The following SLC30A5 variants were observed in gnomAD, a reference collection of about 807,000 sequenced individuals.
SLC30A5 encodes the protein proton-coupled zinc antiporter SLC30A5.
Under a neutral mutation model 79.6 loss-of-function variants are expected in SLC30A5, and 33 were observed. The ratio of observed to expected loss-of-function variants is 0.41; its 90% CI spans 0.31 to 0.55. SLC30A5 has a LOEUF of 0.55. SLC30A5 is among the 20% of genes least tolerant of loss of function. The probability of loss-of-function intolerance (pLI) is 0.20; values close to 1 mark genes in which losing one functional copy is unlikely to be tolerated. For synonymous variants in SLC30A5, 299 were observed against 319.7 expected (o/e 0.94, Z 0.69); for missense variants, 788 against 928.1 (o/e 0.85, Z 1.96).
intron 1 of SLC30A5, among the ~76,000 whole-genome samples, chr5:69,096,291 G>C (rs1745728326): frequency 6.6e-6 from 1 of 152,176 alleles, no homozygotes; most frequent in Non-Finnish European, 1.5e-5. Flanking sequence ...ACAGAGTCCA[G>C]GTAAAGGATA....
chr5:69,106,439 C>A (rs10434546), intron 4 of SLC30A5, among the ~76,000 whole-genome samples: 36,549 of 151,950 alleles, frequency 0.24, 4,876 homozygotes, highest in East Asian at 0.39. Flanking sequence ...GAAGTACTTA[C>A]ATCTTTACTT....
chr5:69,125,870 CAAAAAAAAAAAAAA>C (rs532994254), intron 14 of SLC30A5, among the ~76,000 whole-genome samples: 1 of 54,232 alleles, frequency 1.8e-5, no homozygotes, highest in Non-Finnish European at 3.1e-5. Flanking sequence ...GACTCCGTCT[CAAAAAAAAAAAAAA>C]AAAAAAAAAA....
At chr5:69,117,418 G>C (rs777358828) in intron 11 of SLC30A5, 22 bp downstream of exon 11, 2 of 1,608,914 alleles carry the variant, frequency 1.2e-6, no homozygotes, top group South Asian at 1.1e-5. Context: ...GACTGTCGAG[G>C]TGGTATATCT....
chr5:69,130,329 A>G lies in SLC30A5; in HGVS notation c.*712A>G, dbSNP rs1291478015. On this transcript the variant is annotated 3_prime_UTR_variant, in exon 16 of 16. Transcript: ENST00000396591. ...ACTTATACTAAGTTGTGTCCATGTT[A>G]TTCATTTACTTACCATGTTCCTTTA... 1 of 152,168 alleles carries G rather than the reference A, an allele frequency of 6.6e-6. No homozygotes were observed. Among genetic ancestry groups the G allele is most frequent in the African/African-American group, 2.4e-5 (1 of 41,446 alleles). The allele number at this position is 152,168 out of a possible 1,614,324, so 9.4% of individuals were successfully genotyped here. A position where few individuals can be genotyped will look rare whatever the true frequency, so the allele number is the denominator to read the frequency against.
rs529329481 is a variant in SLC30A5 at position 69,112,541 on chromosome 5, T to C, written c.448-599T>C. On this transcript the variant is annotated intron_variant, in intron 5 of 15. Coordinates refer to ENST00000396591, the MANE Select transcript of SLC30A5 (RefSeq NM_022902.5). ...CAAGAGGATCACTTGAGCCCAGGAA[T>C]TGGAGGCTGCAGTGAGCTGTGTTCA... 1.7e-4 allele frequency among the ~76,000 whole-genome samples: 26 copies of C among 151,750 alleles called. No individual in the cohort carries two copies. In the East Asian group the frequency reaches 4.3e-3, roughly 25 times the overall value.
At chr5:69,118,760 T>A in intron 12 of SLC30A5, 132 bp downstream of exon 12, 1 of 591,594 alleles carries the variant, frequency 1.7e-6, no homozygotes, top group East Asian at 3.6e-5. Flanking sequence ...TAACTTCCTA[T>A]CTTGCTGTTT....
chr5:69,128,021 A>T lies in SLC30A5; in HGVS notation c.2016A>T (p.Gly672=). 1 of 1,611,254 alleles carries T rather than the reference A, an allele frequency of 6.2e-7. No individual in the cohort carries two copies. The highest frequency in any genetic ancestry group is 2.2e-5 in the East Asian group (1 of 44,768). Residue 672 remains glycine, a synonymous_variant, in exon 15 of 16, where the codon GGA becomes GGT. Transcript: ENST00000396591. The part of the protein sequence containing the change: ...IALEKIQKIE[G]LISYRDPHFW... Reference sequence around the variant, plus strand: ...TTTGACAGATACAGAAAATTGAAGGATTAATATCATACCGAGACCCTCATT... The same window carrying T: ...TTTGACAGATACAGAAAATTGAAGGTTTAATATCATACCGAGACCCTCATT...
Position 69,094,113 on chromosome 5 carries a change from G to A in SLC30A5, c.-143G>A. On this transcript the variant is annotated 5_prime_UTR_variant, in exon 1 of 16. Coordinates refer to ENST00000396591, the MANE Select transcript of SLC30A5 (RefSeq NM_022902.5). ...CTAGTGAGCCGGAGCCGGCGACGGCGGCAGTGGCGGCCCGGCCTGCAGGAG... is the reference window on the plus strand; with the variant it reads ...CTAGTGAGCCGGAGCCGGCGACGGCAGCAGTGGCGGCCCGGCCTGCAGGAG... 1 of 426,970 alleles carries A rather than the reference G, an allele frequency of 2.3e-6. No individual in the cohort carries two copies. The highest frequency in any genetic ancestry group is 4.1e-6 in the Non-Finnish European group (1 of 243,906). The allele number at this position is 426,970 out of a possible 1,614,324, so 26.4% of individuals were successfully genotyped here. A position where few individuals can be genotyped will look rare whatever the true frequency, so the allele number is the denominator to read the frequency against.
chr5:69,094,157 A>G lies in SLC30A5; in HGVS notation c.-99A>G, dbSNP rs1745646472. On this transcript the variant is annotated 5_prime_UTR_variant, in exon 1 of 16. The change abolishes an upstream ATG in the 5' untranslated region. Transcript: ENST00000396591. ...GCAGGAGCCCGACGGGGTCTCTGCC[A>G]TGGGGGAGTGACGCGCCTGCACCCG... The G allele has an allele frequency of 3.2e-5, 19 of 592,274 alleles. No homozygotes were observed. In the South Asian group the frequency reaches 1.5e-3, roughly 45 times the overall value. The allele number at this position is 592,274 out of a possible 1,614,324, so 36.7% of individuals were successfully genotyped here. A position where few individuals can be genotyped will look rare whatever the true frequency, so the allele number is the denominator to read the frequency against.
Position 69,117,314 on chromosome 5 carries a change from CT to C in SLC30A5, c.1362del (p.Phe454LeufsTer6). 1.2e-6 allele frequency: 2 copies of C among 1,613,804 alleles called. No individual in the cohort carries two copies. The highest frequency in any genetic ancestry group is 2.2e-5 in the East Asian group (1 of 44,876). On this transcript the variant is annotated frameshift_variant, in exon 11 of 16. Transcript: ENST00000396591. LOFTEE classifies it high-confidence loss of function. The stretch of plus-strand genomic sequence containing the variant: ...CCTGATCTCGGATGGATTCCACATG[CT>C]TTTTGACTGCTCTGCTTTAGTCATG... Reference protein sequence around the residue: ...LGLISDGFHMLFDCSALVMGL... With the variant: ...LGLISDGFHMXFDCSALVMGL...
intron 14 of SLC30A5, among the ~76,000 whole-genome samples, chr5:69,126,973 T>A (rs1215021910): frequency 2.0e-5 from 3 of 152,142 alleles, no homozygotes; most frequent in Non-Finnish European, 4.4e-5. Context: ...TTTTACAAGT[T>A]GTTTCCATAT....
At position 69,130,602 on chromosome 5, in the gene SLC30A5, A is replaced by T. The variant is rs1206875139; in HGVS notation, c.*985A>T. On this transcript the variant is annotated 3_prime_UTR_variant, in exon 16 of 16. Transcript: ENST00000396591. ...AGAATAGGTAGTTATTTCAAAGTTT[A>T]ATAAGTAAAACTTGTTCATAAACAT... 2.6e-5 allele frequency: 4 copies of T among 152,204 alleles called. No individual in the cohort carries two copies. The South Asian group carries it at 8.3e-4, about 31-fold the overall frequency. 9.4% of individuals were successfully genotyped at this position (152,204 alleles called of 1,614,324 possible). A position where few individuals can be genotyped will look rare whatever the true frequency, so the allele number is the denominator to read the frequency against.
Position 69,126,663 on chromosome 5 carries a change from G to A in SLC30A5, c.1999-1341G>A, listed in dbSNP as rs536090003. On this transcript the variant is annotated intron_variant, in intron 14 of 15. Coordinates refer to ENST00000396591, the MANE Select transcript of SLC30A5 (RefSeq NM_022902.5). ...CACGTGCCTGTAGTCCCAGCTATTC[G>A]GGAGGCTGAGGCAGAAGAATCGCTT... Among the ~76,000 whole-genome samples, 187 of 151,778 alleles carry A rather than the reference G, an allele frequency of 1.2e-3. 2 individuals carry two copies. The highest frequency in any genetic ancestry group is 4.3e-3 in the African/African-American group (180 of 41,388).
chr5:69,114,303 G>A (rs1002086005), intron 6 of SLC30A5, 117 bp from the exon 7 acceptor site: 2 of 515,196 alleles, frequency 3.9e-6, no homozygotes, highest in African/African-American at 3.9e-5. Flanking sequence ...AATTAAGTTT[G>A]AGGCCTCCAG....
chr5:69,116,234 T>C lies in SLC30A5; in HGVS notation c.1072+20T>C, dbSNP rs201681986. On this transcript the variant is annotated intron_variant, in intron 9 of 15. Transcript: ENST00000396591. This position sits in a 1 kb window ranked among gnomAD's most constrained non-coding sequence, Gnocchi z 4.0. ...TTTTGTGTAAGCATTCCCCCCTTTT[T>C]TTTATTTTAACAAATTTCTATTTAT... 5.1e-5 allele frequency: 79 copies of C among 1,552,830 alleles called. No individual in the cohort carries two copies. The highest frequency in any genetic ancestry group is 4.1e-4 in the East Asian group (18 of 43,972).
At position 69,100,945 on chromosome 5, in the gene SLC30A5, G is replaced by GC; in HGVS notation, c.206+16_206+17insC. 1 of 1,434,208 alleles carries GC rather than the reference G, an allele frequency of 7.0e-7. No individual in the cohort carries two copies. The highest frequency in any genetic ancestry group is 1.4e-5 in the South Asian group (1 of 71,426). 88.8% of individuals were successfully genotyped at this position (1,434,208 alleles called of 1,614,324 possible). A position where few individuals can be genotyped will look rare whatever the true frequency, so the allele number is the denominator to read the frequency against. ...TAAAACTTGGGTGAGTGTGGGGGGG[G>GC]GTTTTTTCTTGATATTTTTTATTTC... is the stretch of plus-strand genomic sequence containing the variant. On this transcript the variant is annotated intron_variant, in intron 2 of 15. Transcript: ENST00000396591.
chr5:69,094,314 G>A lies in SLC30A5; in HGVS notation c.59G>A (p.Gly20Glu), dbSNP rs929720122. Residue 20 changes from glycine (G) to glutamate (E), a missense_variant, in exon 1 of 16, where the codon GGG becomes GAG. Physicochemically the swap from Gly to Glu is moderately conservative, Grantham distance 98. Around this residue, in one of 3 missense-constraint regions of SLC30A5, gnomAD observed 626 missense variants for 755.5 expected, o/e 0.83. Transcript: ENST00000396591. ...LAGPGGGGGL[G>E]PVDVPSARLT... ...GGCCCCGGCGGCGGCGGCGGCCTTG[G>A]GCCGGTGGACGTACCCAGCGCTCGG... 4.0e-6 allele frequency: 5 copies of A among 1,254,878 alleles called. No individual in the cohort carries two copies. In the African/African-American group the frequency reaches 4.7e-5, roughly 12 times the overall value. The allele number at this position is 1,254,878 out of a possible 1,614,324, so 77.7% of individuals were successfully genotyped here. A position where few individuals can be genotyped will look rare whatever the true frequency, so the allele number is the denominator to read the frequency against.
rs145269323 is a variant in SLC30A5, at chr5:69,096,386, G to A, written c.83+2048G>A. 1.9e-3 allele frequency among the ~76,000 whole-genome samples: 288 copies of A among 152,324 alleles called. 1 individual carries two copies. The Middle Eastern group carries it at 0.024, about 13-fold the overall frequency. On this transcript the variant is annotated intron_variant, in intron 1 of 15. Coordinates refer to ENST00000396591, the MANE Select transcript of SLC30A5 (RefSeq NM_022902.5). ...TGCTGTTTATTCAAGAGTGTAAAGA[G>A]TGTATTGTCTCAGGTAGGGAAATGT...
chr5:69,126,209 G>A lies in SLC30A5; in HGVS notation c.1999-1795G>A, dbSNP rs577418021. Among the ~76,000 whole-genome samples the A allele has an allele frequency of 2.0e-5, 3 of 152,258 alleles. No individual in the cohort carries two copies. In the South Asian group the frequency reaches 6.2e-4, roughly 32 times the overall value. On this transcript the variant is annotated intron_variant, in intron 14 of 15. Coordinates refer to ENST00000396591, the MANE Select transcript of SLC30A5 (RefSeq NM_022902.5). ...AAAAGATAGCATCTTGAATATTTAA[G>A]TTCTATCATCTTAACCCATTGTTTT...
Sources: allele counts gnomAD v4.1 joint callset (sites outside exome capture counted in the v4.1 genomes callset), GRCh38; gene constraint gnomAD v4.1.1; regional missense constraint gnomAD v4.1.1; non-coding constraint Gnocchi (gnomAD v3.1); transcripts MANE v1.5; gene names NCBI Gene and HGNC (gene_info 2026-07-23, HGNC 2026-07-21).